COL23A1: variants seen among roughly 807,000 people sequenced by gnomAD.
The protein encoded by COL23A1 is collagen alpha-1(XXIII) chain.
Under a neutral mutation model 99.3 loss-of-function variants are expected in COL23A1, and 97 were observed. The observed-to-expected ratio is 0.98, with a 90% CI of 0.83 to 1.16. COL23A1 has a LOEUF of 1.16. Among genes scored for constraint, COL23A1 ranks in the 50% most tolerant of loss-of-function variants. The pLI is 0.00. For missense variants in COL23A1, 762 were observed against 757.4 expected, an observed-to-expected ratio of 1.01 and a Z score of -0.07; for synonymous variants, 320 against 308.2, an observed-to-expected ratio of 1.04 and a Z score of -0.40.
chr5:178,354,261 A>G (rs1030091262), intron 2 of COL23A1, among the ~76,000 whole-genome samples: 1 of 152,090 alleles, frequency 6.6e-6, no homozygotes, highest in African/African-American at 2.4e-5. Flanking sequence ...CCCAGGCTGG[A>G]GTGCAATCGT....
At chr5:178,582,468 G>A (rs899924921) in intron 1 of COL23A1, among the ~76,000 whole-genome samples, 6 of 152,160 alleles carry the variant, frequency 3.9e-5, no homozygotes, top group African/African-American at 1.2e-4. Flanking sequence ...AGGGAGCAAC[G>A]TAGAAATCTG....
At position 178,246,182 on chromosome 5, in the gene COL23A1, G is replaced by T. The variant is rs117606184; in HGVS notation, c.1413+72C>A. The T allele has an allele frequency of 8.1e-3, 12,073 of 1,496,400 alleles. 222 individuals are homozygous for T. Among genetic ancestry groups the T allele is most frequent in the East Asian group, 0.054 (2,192 of 40,802 alleles). 92.7% of individuals were successfully genotyped at this position (1,496,400 alleles called of 1,614,324 possible). A position where few individuals can be genotyped will look rare whatever the true frequency, so the allele number is the denominator to read the frequency against. ...AGGGACCCAGTGAGGTACAGGGTTG[G>T]GGTCCCCGGGCTGAGCGCCACCATG... On this transcript the variant is annotated intron_variant, in intron 24 of 28. Transcript: ENST00000390654.
intron 2 of COL23A1, among the ~76,000 whole-genome samples, chr5:178,358,228 G>GTA (rs1761878287): frequency 1.7e-5 from 1 of 60,448 alleles, no homozygotes; most frequent in Non-Finnish European, 3.1e-5. Context: ...TGTCTAATGT[G>GTA]TGTATGTGTG....
At chr5:178,249,048 G>C (rs966789091) in intron 19 of COL23A1, 69 bp downstream of exon 19, 1 of 1,515,336 alleles carries the variant, frequency 6.6e-7, no homozygotes, top group South Asian at 1.1e-5. Context: ...CCCACAGCAC[G>C]GGGGGCACAC....
intron 5 of COL23A1, among the ~76,000 whole-genome samples, chr5:178,273,519 A>G (rs1163285046): frequency 6.6e-6 from 1 of 152,194 alleles, no homozygotes; most frequent in Non-Finnish European, 1.5e-5. Flanking sequence ...GTAGCTTCCC[A>G]ATAGAGGCAG....
At chr5:178,260,616 G>A (rs1765574334) in intron 11 of COL23A1, among the ~76,000 whole-genome samples, 2 of 152,188 alleles carry the variant, frequency 1.3e-5, no homozygotes, top group South Asian at 4.1e-4. Context: ...CCAACATGGT[G>A]AAACCCCATC....
At chr5:178,529,049 G>A (rs1186227256) in intron 2 of COL23A1, among the ~76,000 whole-genome samples, 1 of 152,250 alleles carries the variant, frequency 6.6e-6, no homozygotes, top group East Asian at 1.9e-4. Flanking sequence ...GGGCGGTTCT[G>A]CTCCGCAGAG....
chr5:178,555,618 CTAAT>C (rs1305900227), intron 2 of COL23A1, among the ~76,000 whole-genome samples: 1 of 152,156 alleles, frequency 6.6e-6, no homozygotes, highest in Non-Finnish European at 1.5e-5. Flanking sequence ...GATCAGAACA[CTAAT>C]TAATGTTCTG....
chr5:178,263,106 G>T (rs1765721820), intron 9 of COL23A1, 102 bp downstream of exon 9: 2 of 855,408 alleles, frequency 2.3e-6, no homozygotes, highest in South Asian at 2.7e-5. Context: ...GGATAGTGTG[G>T]GGTCTGCACT....
intron 2 of COL23A1, among the ~76,000 whole-genome samples, chr5:178,323,098 AGG>A (rs1759438119): frequency 6.6e-6 from 1 of 151,832 alleles, no homozygotes; most frequent in Non-Finnish European, 1.5e-5. Flanking sequence ...GCAAGTGGGC[AGG>A]GGCCTGGATC....
At chr5:178,436,207 C>G (rs990289044) in intron 2 of COL23A1, among the ~76,000 whole-genome samples, 1 of 152,122 alleles carries the variant, frequency 6.6e-6, no homozygotes, top group African/African-American at 2.4e-5. Flanking sequence ...AGCCCAGACC[C>G]CTGAAAACCA....
chr5:178,296,485 C>T (rs897840986), intron 3 of COL23A1, among the ~76,000 whole-genome samples: 5 of 152,214 alleles, frequency 3.3e-5, no homozygotes, highest in Non-Finnish European at 5.9e-5. Flanking sequence ...TCACGACCCC[C>T]GCGGATCCCA....
intron 1 of COL23A1, among the ~76,000 whole-genome samples, chr5:178,577,616 C>A (rs921456336): frequency 6.6e-6 from 1 of 152,184 alleles, no homozygotes; most frequent in Non-Finnish European, 1.5e-5. Context: ...CGCCTGCCCC[C>A]CGCTGCCTGG....
chr5:178,241,611 T>A (rs192139271), intron 27 of COL23A1, among the ~76,000 whole-genome samples: 152 of 152,282 alleles, frequency 1.0e-3, no homozygotes, highest in African/African-American at 3.5e-3. Context: ...AGCGTGTCTG[T>A]GCTAACTTTG....
chr5:178,448,416 C>T (rs985183176), intron 2 of COL23A1, among the ~76,000 whole-genome samples: 17 of 150,182 alleles, frequency 1.1e-4, no homozygotes, highest in Admixed American at 8.0e-4. Context: ...AGTCGCAGTC[C>T]GTTTTGTTCT....
At chr5:178,585,814 C>T (rs1037229960) in intron 1 of COL23A1, among the ~76,000 whole-genome samples, 1 of 63,096 alleles carries the variant, frequency 1.6e-5, no homozygotes, top group African/African-American at 4.3e-5. Flanking sequence ...TCTGTTCCAG[C>T]GGCAACACGC....
rs1766990926 is a variant in COL23A1, at chr5:178,443,428, T to TG, written c.361+117253_361+117254insC. 4.6e-5 allele frequency among the ~76,000 whole-genome samples: 7 copies of TG among 152,336 alleles called. No homozygotes were observed. In the South Asian group the frequency reaches 1.4e-3, roughly 32 times the overall value. On this transcript the variant is annotated intron_variant, in intron 2 of 28. Transcript: ENST00000390654. ...TTACGAAAAACGAAAATCTTCTTCT[T>TG]CTGGGGATGTCCAGTTCTGTAAATT...
intron 18 of COL23A1, among the ~76,000 whole-genome samples, chr5:178,249,804 G>A (rs184710154): frequency 8.9e-5 from 13 of 146,798 alleles, no homozygotes; most frequent in Admixed American, 2.8e-4. Context: ...TTCACCACAT[G>A]CCAGGCACTG....
At chr5:178,269,490 C>T (rs1364984684) in intron 6 of COL23A1, among the ~76,000 whole-genome samples, 1 of 80,068 alleles carries the variant, frequency 1.2e-5, no homozygotes, top group Non-Finnish European at 2.4e-5. Context: ...CATCCACCCA[C>T]CCATCCACCC....
Sources: gnomAD v4.1 joint callset for allele counts (sites outside exome capture counted in the v4.1 genomes callset) on GRCh38, gnomAD v4.1.1 for gene constraint, MANE v1.5 for transcripts, NCBI Gene and HGNC (gene_info 2026-07-23, HGNC 2026-07-21) for gene names.